The following AATF variants were observed in gnomAD, a reference collection of about 807,000 sequenced individuals.
AATF encodes apoptosis antagonizing transcription factor, also known as protein AATF.
Under a neutral mutation model 63.7 loss-of-function variants are expected in AATF, and 48 were observed. The ratio of observed to expected loss-of-function variants is 0.75; its 90% CI spans 0.60 to 0.96. AATF has a LOEUF of 0.96. AATF is among the 40% of genes least tolerant of loss of function. The pLI, the probability that AATF is intolerant of heterozygous loss-of-function variation, is 0.00. For synonymous variants in AATF, 258 were observed against 247.7 expected (o/e 1.04, Z -0.39); for missense variants, 639 against 685.7 (o/e 0.93, Z 0.76).
chr17:36,988,247 T>C (rs967166606), intron 5 of AATF, among the ~76,000 whole-genome samples: 2 of 151,990 alleles, frequency 1.3e-5, no homozygotes, highest in African/African-American at 4.8e-5. Flanking sequence ...AACCCAGAAG[T>C]GGAGGTTGCA....
chr17:37,026,026 C>T (rs909521581), intron 10 of AATF, among the ~76,000 whole-genome samples: 1 of 152,150 alleles, frequency 6.6e-6, no homozygotes, highest in Non-Finnish European at 1.5e-5. Context: ...ATCTATACCC[C>T]CTGTGTCTTC....
intron 8 of AATF, among the ~76,000 whole-genome samples, chr17:37,014,721 T>A (rs1268563386): frequency 6.6e-6 from 1 of 152,212 alleles, no homozygotes; most frequent in African/African-American, 2.4e-5. Context: ...TCAGTATTCC[T>A]TCAAACATTT....
intron 8 of AATF, among the ~76,000 whole-genome samples, chr17:37,015,368 T>G (rs1303439316): frequency 6.6e-6 from 1 of 152,234 alleles, no homozygotes; most frequent in Non-Finnish European, 1.5e-5. Flanking sequence ...CTCACAGTTC[T>G]GGAGGTTGTA....
chr17:37,056,239 A>T (rs1357825708), intron 11 of AATF: 1 of 183,494 alleles, frequency 5.4e-6, no homozygotes, highest in East Asian at 1.4e-4. Context: ...ACTAAATTAT[A>T]TCCCCCTACA....
intron 8 of AATF, among the ~76,000 whole-genome samples, chr17:36,993,472 G>A (rs1477229134): frequency 2.6e-5 from 4 of 152,220 alleles, no homozygotes; most frequent in Non-Finnish European, 5.9e-5. Flanking sequence ...AGAGATTGGA[G>A]CTGAAGCCAA....
At chr17:36,949,352 C>G (rs2070834549) in intron 1 of AATF, 136 bp downstream of exon 1, 1 of 813,564 alleles carries the variant, frequency 1.2e-6, no homozygotes, top group Non-Finnish European at 1.8e-6. Context: ...CGTCGCCTCC[C>G]GCGAGGGTGG....
At chr17:36,982,535 A>C (rs907602091) in intron 4 of AATF, among the ~76,000 whole-genome samples, 4 of 151,814 alleles carry the variant, frequency 2.6e-5, no homozygotes, top group Non-Finnish European at 4.4e-5. Context: ...TTGTATTTTT[A>C]GTAGAGATGG....
At chr17:37,021,135 A>G (rs1597728684) in intron 10 of AATF, 121 bp downstream of exon 10, 12 of 700,632 alleles carry the variant, frequency 1.7e-5, no homozygotes, top group African/African-American at 7.4e-5. Context: ...GATCAGAAAA[A>G]TAAACAATAT....
At chr17:36,976,510 C>T (rs2071081164) in intron 4 of AATF, among the ~76,000 whole-genome samples, 1 of 152,116 alleles carries the variant, frequency 6.6e-6, no homozygotes, top group Non-Finnish European at 1.5e-5. Flanking sequence ...AAAGACAGTA[C>T]TATACATACA....
chr17:36,993,669 C>T (rs143302272), intron 8 of AATF, among the ~76,000 whole-genome samples: 18 of 152,100 alleles, frequency 1.2e-4, no homozygotes, highest in Non-Finnish European at 2.1e-4. Flanking sequence ...TTAACATGGT[C>T]ATATGGAAGA....
intron 11 of AATF, 85 bp from the exon 12 acceptor site, chr17:37,056,516 T>G: frequency 7.4e-7 from 1 of 1,351,968 alleles, no homozygotes; most frequent in Non-Finnish European, 1.1e-6. Flanking sequence ...AGAAACAGAA[T>G]GGGGTATTTT....
At chr17:37,048,240 T>A (rs2071711556) in intron 11 of AATF, among the ~76,000 whole-genome samples, 1 of 152,094 alleles carries the variant, frequency 6.6e-6, no homozygotes, top group African/African-American at 2.4e-5. Flanking sequence ...AATCCTAAGT[T>A]TTCTACTATA....
At chr17:37,024,923 C>T (rs1730201257) in intron 10 of AATF, among the ~76,000 whole-genome samples, 1 of 151,940 alleles carries the variant, frequency 6.6e-6, no homozygotes, top group African/African-American at 2.4e-5. Context: ...CATGCCACTG[C>T]ACTCCAGCCT....
chr17:36,997,632 T>C (rs114096981), intron 8 of AATF, among the ~76,000 whole-genome samples: 2,413 of 152,292 alleles, frequency 0.016, 69 homozygotes, highest in African/African-American at 0.054. Context: ...GATGGGAATG[T>C]TAACTAGTAC....
At chr17:36,991,655 G>A (rs1160888080) in intron 8 of AATF, among the ~76,000 whole-genome samples, 6 of 149,968 alleles carry the variant, frequency 4.0e-5, no homozygotes, top group African/African-American at 4.9e-5. Context: ...GCGCAATCTC[G>A]GCTCACTGCA....
intron 10 of AATF, 174 bp from the exon 11 acceptor site, chr17:37,031,440 C>A: frequency 1.6e-6 from 1 of 630,388 alleles, no homozygotes; most frequent in South Asian, 1.8e-5. Flanking sequence ...CATGGGATGA[C>A]TGTAGTTGGT....
At chr17:37,021,481 T>C (rs1357627615) in intron 10 of AATF, among the ~76,000 whole-genome samples, 1 of 151,914 alleles carries the variant, frequency 6.6e-6, no homozygotes, top group Non-Finnish European at 1.5e-5. Flanking sequence ...ATACAAAAAT[T>C]AGCTGGGTGT....
chr17:37,009,543 C>T (rs1052281212), intron 8 of AATF, among the ~76,000 whole-genome samples: 9 of 151,336 alleles, frequency 5.9e-5, no homozygotes, highest in African/African-American at 1.5e-4. Context: ...CCAGGCCGGG[C>T]GCGGTGGCTC....
chr17:36,969,885 T>C (rs1275866615), intron 4 of AATF, among the ~76,000 whole-genome samples: 1 of 152,216 alleles, frequency 6.6e-6, no homozygotes, highest in Non-Finnish European at 1.5e-5. Context: ...TCTAGAAATC[T>C]ATATAAGTGG....
Sources: gnomAD v4.1 joint callset for allele counts (sites outside exome capture counted in the v4.1 genomes callset) on GRCh38, gnomAD v4.1.1 for gene constraint, MANE v1.5 for transcripts, NCBI Gene and HGNC (gene_info 2026-07-23, HGNC 2026-07-21) for gene names.